Variants in PPP1R12B observed in about 807,000 individuals in gnomAD.
The protein encoded by PPP1R12B is protein phosphatase 1 regulatory subunit 12B.
Under a neutral mutation model 126.1 loss-of-function variants are expected in PPP1R12B, and 76 were observed. That is an observed-to-expected ratio of 0.60 (90% CI 0.50 to 0.73). The LOEUF is 0.73. Ranked by LOEUF, PPP1R12B falls within the 30% of genes least tolerant of loss-of-function variation. PPP1R12B has a pLI of 0.00. For missense variants in PPP1R12B, 1,052 were observed against 1,205.1 expected (o/e 0.87, Z 1.88); for synonymous variants, 356 against 434.7 (o/e 0.82, Z 2.25).
chr1:202,482,003 G>GTGTC (rs1387572742), intron 13 of PPP1R12B, among the ~76,000 whole-genome samples: 1 of 149,706 alleles, frequency 6.7e-6, no homozygotes, highest in Non-Finnish European at 1.5e-5. Context: ...TTTTTTTTCT[G>GTGTC]TGTCTGGCTT....
chr1:202,428,003 G>C (rs1034526747), intron 5 of PPP1R12B, among the ~76,000 whole-genome samples: 11 of 150,530 alleles, frequency 7.3e-5, no homozygotes, highest in African/African-American at 2.7e-4. Flanking sequence ...AGAGATGGGG[G>C]GTCTCACTGG....
chr1:202,464,713 T>C (rs940507035), intron 13 of PPP1R12B, among the ~76,000 whole-genome samples: 1 of 152,148 alleles, frequency 6.6e-6, no homozygotes, highest in Non-Finnish European at 1.5e-5. Context: ...AGGAGATCTA[T>C]AGGGAATATT....
intron 23 of PPP1R12B, chr1:202,575,233 A>C: frequency 7.0e-7 from 1 of 1,438,384 alleles, no homozygotes; most frequent in Non-Finnish European, 9.3e-7. Context: ...CATCCCCTCC[A>C]TCCGAGCCTC....
intron 1 of PPP1R12B, among the ~76,000 whole-genome samples, chr1:202,360,167 T>G (rs1446401176): frequency 6.6e-6 from 1 of 152,196 alleles, no homozygotes; most frequent in African/African-American, 2.4e-5. Flanking sequence ...TAGGTCTGAT[T>G]CAGATTCCAA....
intron 1 of PPP1R12B, among the ~76,000 whole-genome samples, chr1:202,377,060 G>A (rs1215822570): frequency 2.0e-5 from 3 of 152,130 alleles, no homozygotes; most frequent in African/African-American, 4.8e-5. Flanking sequence ...TGTGGCCCAA[G>A]GAAGCCAAAA....
At chr1:202,379,616 T>C (rs1661890618) in intron 1 of PPP1R12B, among the ~76,000 whole-genome samples, 1 of 152,212 alleles carries the variant, frequency 6.6e-6, no homozygotes, top group African/African-American at 2.4e-5. Context: ...ATTTTTAAAA[T>C]TCTTGTTGAA....
chr1:202,359,425 G>A (rs1314537920), intron 1 of PPP1R12B, among the ~76,000 whole-genome samples: 2 of 151,896 alleles, frequency 1.3e-5, no homozygotes, highest in African/African-American at 4.8e-5. Context: ...GAGCCACCGT[G>A]CCCAGCTTAT....
At chr1:202,439,484 C>T in intron 10 of PPP1R12B, 1 of 1,507,160 alleles carries the variant, frequency 6.6e-7, no homozygotes, top group Non-Finnish European at 9.1e-7. Context: ...GTGCCTGGTC[C>T]AGCCCATGGA....
At chr1:202,526,353 T>A (rs1337229972) in intron 18 of PPP1R12B, among the ~76,000 whole-genome samples, 2 of 152,112 alleles carry the variant, frequency 1.3e-5, no homozygotes, top group African/African-American at 4.8e-5. Context: ...GGTAAAGTAT[T>A]TATCTAGGAA....
chr1:202,353,813 A>G (rs1243827074), intron 1 of PPP1R12B, among the ~76,000 whole-genome samples: 1 of 151,938 alleles, frequency 6.6e-6, no homozygotes, highest in African/African-American at 2.4e-5. Flanking sequence ...GGGTCTCACT[A>G]TGTTGCCAGG....
intron 4 of PPP1R12B, among the ~76,000 whole-genome samples, chr1:202,426,493 A>T (rs554704147): frequency 6.6e-6 from 1 of 152,294 alleles, no homozygotes; most frequent in South Asian, 2.1e-4. Context: ...AAAATTGGAG[A>T]TATGTGGGTA....
At chr1:202,438,060 AG>A (rs1318037788) in intron 10 of PPP1R12B, 36 bp downstream of exon 10, 5 of 1,597,328 alleles carry the variant, frequency 3.1e-6, no homozygotes, top group Admixed American at 3.6e-5. Context: ...ATTCCAAGGC[AG>A]TTTTTTTTTT....
chr1:202,386,752 T>C (rs906016303), intron 1 of PPP1R12B, among the ~76,000 whole-genome samples: 5 of 152,182 alleles, frequency 3.3e-5, no homozygotes, highest in Admixed American at 2.0e-4. Flanking sequence ...GTTTTTTTTT[T>C]CTCCCGTGGG....
chr1:202,436,630 A>G (rs1055289293), intron 9 of PPP1R12B, among the ~76,000 whole-genome samples: 3 of 152,166 alleles, frequency 2.0e-5, no homozygotes, highest in Admixed American at 6.5e-5. Flanking sequence ...TCCTTGGCCT[A>G]ATGCTGGTCT....
chr1:202,418,560 A>G (rs1340020962), intron 2 of PPP1R12B, among the ~76,000 whole-genome samples: 1 of 152,150 alleles, frequency 6.6e-6, no homozygotes, highest in Non-Finnish European at 1.5e-5. Context: ...AACAATCTCT[A>G]GCTCAAACAA....
chr1:202,557,556 C>T (rs528707990), intron 18 of PPP1R12B, among the ~76,000 whole-genome samples: 1 of 152,238 alleles, frequency 6.6e-6, no homozygotes, highest in South Asian at 2.1e-4. Flanking sequence ...AATGATTCCC[C>T]CACCTCAAAT....
chr1:202,359,992 A>C (rs1354110759), intron 1 of PPP1R12B, among the ~76,000 whole-genome samples: 1 of 152,006 alleles, frequency 6.6e-6, no homozygotes, highest in Non-Finnish European at 1.5e-5. Context: ...ACGTATTTTA[A>C]TCTATGGTTT....
At position 202,578,020 on chromosome 1, in the gene PPP1R12B, T is replaced by C. The variant is rs369267268; in HGVS notation, c.2863-2454T>C. On this transcript the variant is annotated intron_variant, in intron 23 of 23. Transcript: ENST00000608999. The stretch of plus-strand genomic sequence containing the variant: ...ACTTCAAGTGGATATCAGATAACAC[T>C]GTTCATTTCCCCCTCTCTCTGCTGA... Among the ~76,000 whole-genome samples, 10 of 152,382 alleles carry C rather than the reference T, an allele frequency of 6.6e-5. No individual in the cohort carries two copies. The East Asian group carries it at 1.3e-3, about 21-fold the overall frequency.
intron 18 of PPP1R12B, chr1:202,502,436 A>C: frequency 5.1e-6 from 5 of 984,296 alleles, no homozygotes; most frequent in Middle Eastern, 1.0e-3. Context: ...AAATAGAAAT[A>C]TACCAGAAGC....
Sources: gnomAD v4.1 joint callset for allele counts (sites outside exome capture counted in the v4.1 genomes callset) on GRCh38, gnomAD v4.1.1 for gene constraint, MANE v1.5 for transcripts, NCBI Gene and HGNC (gene_info 2026-07-23, HGNC 2026-07-21) for gene names.